Variants in SORBS2 observed in about 807,000 individuals in gnomAD.
SORBS2 encodes sorbin and SH3 domain-containing protein 2.
A neutral mutation model predicts 97.7 loss-of-function variants in SORBS2; 46 were observed. That is an observed-to-expected ratio of 0.47 (90% confidence interval 0.37 to 0.60). The LOEUF is 0.60. Among genes scored for constraint, SORBS2 ranks in the 20% least tolerant of loss-of-function variants. SORBS2 has a pLI of 0.00. For synonymous variants in SORBS2, 476 were observed against 473.4 expected (o/e 1.01, Z -0.07); for missense variants, 1,316 against 1,282.3 (o/e 1.03, Z -0.40).
At chr4:185,620,222 C>T in intron 7 of SORBS2, 71 bp from the exon 20 acceptor site, 2 of 989,240 alleles carry the variant, frequency 2.0e-6, no homozygotes, top group African/African-American at 1.6e-5. Context: ...CCGCCATTTT[C>T]CCTGGTGGCC....
chr4:185,596,154 C>T (rs921669023), intron 12 of SORBS2, among the ~76,000 whole-genome samples: 1 of 152,210 alleles, frequency 6.6e-6, no homozygotes, highest in Non-Finnish European at 1.5e-5. Flanking sequence ...TGTTTTCACA[C>T]ATTTAAACCA....
At chr4:185,768,379 C>G (rs1354933389) in intron 2 of SORBS2, among the ~76,000 whole-genome samples, 3 of 152,086 alleles carry the variant, frequency 2.0e-5, no homozygotes, top group Admixed American at 2.0e-4. Flanking sequence ...CTTTGAATCT[C>G]TCACCAAGAC....
chr4:185,760,943 C>G (rs1206672227), intron 2 of SORBS2, among the ~76,000 whole-genome samples: 1 of 152,174 alleles, frequency 6.6e-6, no homozygotes, highest in Non-Finnish European at 1.5e-5. Context: ...TAAATGATTG[C>G]TATTTCAGTT....
At chr4:185,709,318 T>TTTTTTTTTTTTTTTTTTTTC (rs2098395040) in intron 2 of SORBS2, among the ~76,000 whole-genome samples, 1 of 147,730 alleles carries the variant, frequency 6.8e-6, no homozygotes, top group Non-Finnish European at 1.5e-5. Context: ...TTTTTTTTTT[T>TTTTTTTTTTTTTTTTTTTTC]TTTTTTAGTA....
intron 12 of SORBS2, among the ~76,000 whole-genome samples, chr4:185,610,614 C>T (rs911500892): frequency 1.3e-5 from 2 of 152,148 alleles, no homozygotes; most frequent in African/African-American, 4.8e-5. Context: ...ATTCTTAGAT[C>T]ATTTCCTCAT....
intron 2 of SORBS2, among the ~76,000 whole-genome samples, chr4:185,696,144 C>T (rs550177411): frequency 2.6e-5 from 4 of 152,032 alleles, no homozygotes; most frequent in African/African-American, 4.8e-5. Context: ...AACATGAGGC[C>T]GTTGATAATT....
chr4:185,744,095 C>G (rs1266997420), intron 2 of SORBS2, among the ~76,000 whole-genome samples: 1 of 143,800 alleles, frequency 7.0e-6, no homozygotes, highest in East Asian at 2.1e-4. Flanking sequence ...CCACTTCCCC[C>G]TTTCTCTTCT....
Position 185,598,364 on chromosome 4 carries a change from A to G in SORBS2, c.2797-4429T>C, listed in dbSNP as rs1012584556. ...GTTGTCAAAAACGGATACAAAAGAG[A>G]CAAGTTTTAAACACATGCTAATTTC... is the stretch of plus-strand genomic sequence containing the variant. On this transcript the variant is annotated intron_variant, in intron 12 of 14. Transcript: ENST00000418609. 6.6e-5 allele frequency among the ~76,000 whole-genome samples: 10 copies of G among 152,330 alleles called. No homozygotes were observed. The South Asian group carries it at 1.4e-3, about 22-fold the overall frequency.
chr4:185,821,367 G>T (rs781548741), intron 1 of SORBS2, among the ~76,000 whole-genome samples: 2 of 152,128 alleles, frequency 1.3e-5, no homozygotes, highest in African/African-American at 2.4e-5. Flanking sequence ...GTTTTTCGTG[G>T]TAAGAACTTT....
chr4:185,652,637 T>A, intron 2 of SORBS2, 25 bp downstream of exon 10: 2 of 1,599,874 alleles, frequency 1.3e-6, no homozygotes, highest in Non-Finnish European at 1.7e-6. Flanking sequence ...AAGGACCTCA[T>A]CAGAAAGCAG....
At chr4:185,630,310 A>G (rs1240014751) in intron 5 of SORBS2, among the ~76,000 whole-genome samples, 4 of 152,156 alleles carry the variant, frequency 2.6e-5, no homozygotes, top group Non-Finnish European at 5.9e-5. Flanking sequence ...GGACTAAGGG[A>G]AGAGAAGGAT....
intron 4 of SORBS2, 121 bp from the exon 16 acceptor site, chr4:185,635,532 C>T (rs2096981749): frequency 1.4e-6 from 1 of 706,714 alleles, no homozygotes; most frequent in African/African-American, 1.8e-5. Flanking sequence ...TTGACAGCAC[C>T]AGCTACACAA....
At chr4:185,804,503 A>G (rs2099144729) in intron 1 of SORBS2, among the ~76,000 whole-genome samples, 1 of 152,240 alleles carries the variant, frequency 6.6e-6, no homozygotes, top group African/African-American at 2.4e-5. Flanking sequence ...AAGCGATTCA[A>G]TGTTAAATCC....
chr4:185,611,832 G>C (rs2096543550), exon 12 of SORBS2: 1 of 1,613,964 alleles, frequency 6.2e-7, no homozygotes, highest in East Asian at 2.2e-5. Flanking sequence ...GTGGGGTATT[G>C]GAGGGTCAGG....
chr4:185,612,123 G>A (rs2096548166), intron 11 of SORBS2, 143 bp from the exon 24 acceptor site: 1 of 621,408 alleles, frequency 1.6e-6, no homozygotes, highest in African/African-American at 1.8e-5. Flanking sequence ...GGGAGGGCAA[G>A]TAAGGTACTA....
intron 1 of SORBS2, among the ~76,000 whole-genome samples, chr4:185,814,470 G>A (rs1436397159): frequency 6.6e-6 from 1 of 152,188 alleles, no homozygotes; most frequent in Non-Finnish European, 1.5e-5. Context: ...GAGCCTGGGA[G>A]GTCGAGGCTG....
chr4:185,633,488 A>G (rs2153436265), intron 4 of SORBS2, among the ~76,000 whole-genome samples: 1 of 150,216 alleles, frequency 6.7e-6, no homozygotes, highest in East Asian at 1.9e-4. Flanking sequence ...TTTTTTTGCC[A>G]CTACCATCAC....
chr4:185,768,959 C>T (rs997222675), intron 2 of SORBS2, among the ~76,000 whole-genome samples: 3 of 151,952 alleles, frequency 2.0e-5, no homozygotes, highest in Admixed American at 2.0e-4. Flanking sequence ...AAATGGATGC[C>T]CTGGTCTTGA....
intron 1 of SORBS2, among the ~76,000 whole-genome samples, chr4:185,910,470 C>A (rs1220522407): frequency 6.6e-6 from 1 of 152,186 alleles, no homozygotes; most frequent in East Asian, 1.9e-4. Flanking sequence ...GTCCTCCCTT[C>A]TCTCTTGCCT....
Sources: gnomAD v4.1 joint callset for allele counts (sites outside exome capture counted in the v4.1 genomes callset) on GRCh38, gnomAD v4.1.1 for gene constraint, MANE v1.5 for transcripts, NCBI Gene and HGNC (gene_info 2026-07-23, HGNC 2026-07-21) for gene names.